Variants in SPAG16 observed in about 807,000 individuals in gnomAD.
The protein encoded by SPAG16 is sperm-associated antigen 16 protein.
In SPAG16, 86 loss-of-function variants were observed where a neutral mutation model predicts 80.4. That is an observed-to-expected ratio of 1.07 (90% confidence interval 0.90 to 1.28). The LOEUF (loss-of-function observed/expected upper bound fraction) is 1.28, where lower values mean the gene tolerates loss of function less well. Ranked by LOEUF, SPAG16 falls within the 50% of genes most tolerant of loss-of-function variation. The pLI is 0.00. For synonymous variants in SPAG16, 294 were observed against 265.9 expected, an observed-to-expected ratio of 1.11 and a Z score of -1.03; for missense variants, 870 against 765.3, an observed-to-expected ratio of 1.14 and a Z score of -1.61.
chr2:214,123,444 T>C (rs2054316367), intron 14 of SPAG16, among the ~76,000 whole-genome samples: 1 of 152,086 alleles, frequency 6.6e-6, no homozygotes, highest in African/African-American at 2.4e-5. Flanking sequence ...TTTGGATAAC[T>C]TTAAAACCTT....
intron 10 of SPAG16, among the ~76,000 whole-genome samples, chr2:213,745,568 C>G (rs1175215885): frequency 2.0e-5 from 3 of 152,040 alleles, no homozygotes; most frequent in African/African-American, 7.2e-5. Flanking sequence ...TATTAAATAT[C>G]ATGATTTTAT....
chr2:214,337,291 A>T (rs1363379459), intron 15 of SPAG16, among the ~76,000 whole-genome samples: 1 of 151,134 alleles, frequency 6.6e-6, no homozygotes, highest in Non-Finnish European at 1.5e-5. Context: ...TCACAAACTT[A>T]TTAAGAAATC....
chr2:214,077,721 A>T (rs1189445748), intron 13 of SPAG16, among the ~76,000 whole-genome samples: 2 of 152,212 alleles, frequency 1.3e-5, no homozygotes, highest in African/African-American at 4.8e-5. Flanking sequence ...TATCCAGATG[A>T]TGTACCCTAG....
At chr2:213,478,537 A>G (rs1218954455) in intron 9 of SPAG16, among the ~76,000 whole-genome samples, 1 of 152,160 alleles carries the variant, frequency 6.6e-6, no homozygotes, top group Non-Finnish European at 1.5e-5. Flanking sequence ...GATGGTAGCT[A>G]CTATTACAAA....
At chr2:214,223,164 C>A (rs1383693958) in intron 15 of SPAG16, among the ~76,000 whole-genome samples, 5 of 152,052 alleles carry the variant, frequency 3.3e-5, no homozygotes, top group African/African-American at 9.6e-5. Flanking sequence ...CCTGGGGAGA[C>A]TTTATCTCAC....
intron 15 of SPAG16, among the ~76,000 whole-genome samples, chr2:214,152,075 A>G (rs2056000145): frequency 6.6e-6 from 1 of 152,192 alleles, no homozygotes; most frequent in South Asian, 2.1e-4. Context: ...TATCACTGCA[A>G]ATCCAACACA....
At position 213,576,612 on chromosome 2, in the gene SPAG16, G is replaced by T. The variant is rs188203133; in HGVS notation, c.1070+86522G>T. On this transcript the variant is annotated intron_variant, in intron 10 of 15. Coordinates refer to ENST00000331683, the MANE Select transcript of SPAG16 (RefSeq NM_024532.5). ...TGATAGACTGGATAAAGAAAATGTG[G>T]TACATATACACCATGGGATACTATG... 4.4e-4 allele frequency among the ~76,000 whole-genome samples: 67 copies of T among 152,184 alleles called. No homozygotes were observed. In the Middle Eastern group the frequency reaches 0.014, roughly 31 times the overall value.
At chr2:213,732,036 A>T (rs7562951) in intron 10 of SPAG16, among the ~76,000 whole-genome samples, 1 of 152,118 alleles carries the variant, frequency 6.6e-6, no homozygotes. Context: ...TCTAGGGTTT[A>T]TATAGTTTTT....
chr2:214,168,967 A>G (rs763048995), intron 15 of SPAG16, among the ~76,000 whole-genome samples: 4 of 152,154 alleles, frequency 2.6e-5, no homozygotes, highest in Non-Finnish European at 5.9e-5. Context: ...GAATACTACA[A>G]TTAAACATTG....
At chr2:213,949,074 A>C (rs1227990215) in intron 12 of SPAG16, among the ~76,000 whole-genome samples, 1 of 151,898 alleles carries the variant, frequency 6.6e-6, no homozygotes, top group African/African-American at 2.4e-5. Context: ...TGTATTATTT[A>C]GAAGACAGAG....
intron 10 of SPAG16, among the ~76,000 whole-genome samples, chr2:213,697,141 G>A (rs895696645): frequency 1.3e-5 from 2 of 152,036 alleles, no homozygotes; most frequent in African/African-American, 4.8e-5. Context: ...TAGGTAGGTA[G>A]GTAAATTTTG....
At chr2:213,958,934 G>A (rs1019285512) in intron 12 of SPAG16, among the ~76,000 whole-genome samples, 2 of 151,994 alleles carry the variant, frequency 1.3e-5, no homozygotes, top group African/African-American at 4.8e-5. Flanking sequence ...TTTCTTTCAG[G>A]GCAGTTCTAC....
At chr2:214,160,427 C>T (rs759759338) in intron 15 of SPAG16, among the ~76,000 whole-genome samples, 68 of 151,982 alleles carry the variant, frequency 4.5e-4, no homozygotes, top group Middle Eastern at 6.8e-3. Context: ...TTTCCTTCTA[C>T]TTCTTTTGCT....
At chr2:213,289,344 G>C (rs905375198) in intron 1 of SPAG16, among the ~76,000 whole-genome samples, 1 of 152,212 alleles carries the variant, frequency 6.6e-6, no homozygotes, top group Non-Finnish European at 1.5e-5. Flanking sequence ...CTTACATGCT[G>C]AACAAAAGTT....
chr2:214,130,652 A>G (rs548042918), intron 14 of SPAG16, among the ~76,000 whole-genome samples: 1 of 152,334 alleles, frequency 6.6e-6, no homozygotes, highest in South Asian at 2.1e-4. Flanking sequence ...CTATGTAAAT[A>G]TATCAAAAGA....
At chr2:213,305,115 G>A (rs909614218) in intron 3 of SPAG16, among the ~76,000 whole-genome samples, 3 of 152,020 alleles carry the variant, frequency 2.0e-5, no homozygotes, top group Non-Finnish European at 2.9e-5. Context: ...TAACTTCTAG[G>A]TATATTATTT....
chr2:213,964,904 T>C (rs1460108838), intron 12 of SPAG16, among the ~76,000 whole-genome samples: 1 of 151,530 alleles, frequency 6.6e-6, no homozygotes, highest in African/African-American at 2.5e-5. Flanking sequence ...TGTTTAATTA[T>C]TTAAGTGTGA....
At chr2:213,561,442 AG>A (rs2059595102) in intron 10 of SPAG16, among the ~76,000 whole-genome samples, 1 of 152,202 alleles carries the variant, frequency 6.6e-6, no homozygotes, top group South Asian at 2.1e-4. Context: ...TACATCACCA[AG>A]AAATAGTAAA....
intron 12 of SPAG16, among the ~76,000 whole-genome samples, chr2:213,979,801 G>A (rs1221903612): frequency 6.6e-6 from 1 of 151,948 alleles, no homozygotes; most frequent in African/African-American, 2.4e-5. Context: ...AATAAAATAG[G>A]ATACCCTGGA....
Sources: gnomAD v4.1 joint callset for allele counts (sites outside exome capture counted in the v4.1 genomes callset) on GRCh38, gnomAD v4.1.1 for gene constraint, MANE v1.5 for transcripts, NCBI Gene and HGNC (gene_info 2026-07-23, HGNC 2026-07-21) for gene names.